PCDHA12: variants seen among roughly 807,000 people sequenced by gnomAD.
PCDHA12 encodes the protein protocadherin alpha-12.
In PCDHA12, 44 loss-of-function variants were observed where a neutral mutation model predicts 60.0. That is an observed-to-expected ratio of 0.73 (90% CI 0.58 to 0.94). PCDHA12 has a LOEUF of 0.94. PCDHA12 is among the 40% of genes least tolerant of loss of function. PCDHA12 has a pLI of 0.00. For synonymous variants in PCDHA12, 569 were observed against 553.0 expected (o/e 1.03, Z -0.40); for missense variants, 1,276 against 1,239.7 (o/e 1.03, Z -0.44).
intron 1 of PCDHA12, among the ~76,000 whole-genome samples, chr5:140,936,829 CTA>C (rs1370139349): frequency 5.9e-5 from 9 of 152,026 alleles, no homozygotes; most frequent in African/African-American, 1.7e-4. Flanking sequence ...CTTTGCATTT[CTA>C]TATAAATTGT....
chr5:141,006,002 G>T (rs185630910), intron 3 of PCDHA12, among the ~76,000 whole-genome samples: 1 of 151,740 alleles, frequency 6.6e-6, no homozygotes, highest in East Asian at 1.9e-4. Context: ...CTGAAAGAAG[G>T]CCTGTATGGT....
At chr5:140,932,525 A>G (rs2088383031) in intron 1 of PCDHA12, among the ~76,000 whole-genome samples, 1 of 151,898 alleles carries the variant, frequency 6.6e-6, no homozygotes, top group Non-Finnish European at 1.5e-5. Flanking sequence ...TGTTTGTGGC[A>G]TTCAAGGTGC....
rs561529051 is a variant in PCDHA12 at position 140,929,034 on chromosome 5, C to G, written c.2368-49915C>G. On this transcript the variant is annotated intron_variant, in intron 1 of 3. Transcript: ENST00000398631. ...AGTTGCACCAGAGCCCAGGCTGTTGCGCTCAGAGCTGCTGTCGCTCTACAG... is the reference window on the plus strand; with the variant it reads ...AGTTGCACCAGAGCCCAGGCTGTTGGGCTCAGAGCTGCTGTCGCTCTACAG... 2.8e-5 allele frequency: 46 copies of G among 1,614,040 alleles called. No homozygotes were observed. The South Asian group carries it at 4.8e-4, about 17-fold the overall frequency.
At chr5:140,924,901 A>AATAAAATAAAAT (rs145282866) in intron 1 of PCDHA12, among the ~76,000 whole-genome samples, 7 of 80,504 alleles carry the variant, frequency 8.7e-5, no homozygotes, top group Middle Eastern at 6.1e-3. Context: ...TCTCAAAAAA[A>AATAAAATAAAAT]AAAATAAAAT....
chr5:140,880,895 TAGAA>T (rs1421038707), intron 1 of PCDHA12, among the ~76,000 whole-genome samples: 2 of 152,090 alleles, frequency 1.3e-5, no homozygotes, highest in African/African-American at 4.8e-5. Context: ...TAGGGCCAGA[TAGAA>T]AGAATTAGAA....
At chr5:140,928,830 TTCC>T in intron 1 of PCDHA12, 1 of 1,614,124 alleles carries the variant, frequency 6.2e-7, no homozygotes, top group Non-Finnish European at 8.5e-7. Flanking sequence ...ACCCACCACT[TTCC>T]TCCTCTGTCA....
chr5:140,979,573 G>T lies in PCDHA12; in HGVS notation c.2426+566G>T, dbSNP rs558232107. Among the ~76,000 whole-genome samples, 224 of 152,236 alleles carry T rather than the reference G, an allele frequency of 1.5e-3. 1 individual carries two copies. Among genetic ancestry groups the T allele is most frequent in the African/African-American group, 5.2e-3 (215 of 41,538 alleles). On this transcript the variant is annotated intron_variant, in intron 2 of 3. Transcript: ENST00000398631. ...CTTCAGAAGATGAGCCATGTAAAGG[G>T]CTCCAAATCTAGCTTACTTTAAATT...
intron 1 of PCDHA12, among the ~76,000 whole-genome samples, chr5:140,879,327 A>G (rs2057945221): frequency 6.6e-6 from 1 of 152,232 alleles, no homozygotes; most frequent in South Asian, 2.1e-4. Context: ...TCACTTTTTT[A>G]GTTTGTTCAG....
intron 1 of PCDHA12, among the ~76,000 whole-genome samples, chr5:140,975,429 C>T (rs1006180121): frequency 2.6e-5 from 4 of 152,208 alleles, no homozygotes; most frequent in African/African-American, 9.6e-5. Flanking sequence ...AGGGTGTGCA[C>T]ACCAGGATAT....
intron 1 of PCDHA12, chr5:140,882,203 TGA>T: frequency 6.5e-7 from 1 of 1,530,090 alleles, no homozygotes; most frequent in Non-Finnish European, 8.8e-7. Flanking sequence ...AATTGGGCCT[TGA>T]GAGACAGTTT....
At chr5:140,927,457 A>G in intron 1 of PCDHA12, 1 of 1,614,098 alleles carries the variant, frequency 6.2e-7, no homozygotes, top group Non-Finnish European at 8.5e-7. Flanking sequence ...GGTGTTGGAG[A>G]AAGCACTGGA....
intron 1 of PCDHA12, among the ~76,000 whole-genome samples, chr5:140,934,619 C>G (rs1403192448): frequency 1.3e-5 from 2 of 152,028 alleles, no homozygotes; most frequent in Non-Finnish European, 2.9e-5. Flanking sequence ...GCCTGAGGTA[C>G]AGTTCACACA....
chr5:140,992,414 G>T (rs868994021), intron 3 of PCDHA12, among the ~76,000 whole-genome samples: 1 of 152,128 alleles, frequency 6.6e-6, no homozygotes, highest in African/African-American at 2.4e-5. Flanking sequence ...TCTGCCCCAG[G>T]TCTAAGAATA....
intron 1 of PCDHA12, among the ~76,000 whole-genome samples, chr5:140,890,937 A>G (rs2153432428): frequency 6.6e-6 from 1 of 152,254 alleles, no homozygotes; most frequent in South Asian, 2.1e-4. Flanking sequence ...TAGTCCAAAG[A>G]TGCTGGTGAG....
intron 1 of PCDHA12, among the ~76,000 whole-genome samples, chr5:140,918,556 G>A (rs1584104800): frequency 2.0e-5 from 3 of 152,302 alleles, no homozygotes; most frequent in Non-Finnish European, 4.4e-5. Context: ...CAATTGAGAA[G>A]AATGTATATT....
intron 1 of PCDHA12, among the ~76,000 whole-genome samples, chr5:140,907,775 G>T (rs1217508105): frequency 4.6e-5 from 7 of 152,178 alleles, no homozygotes; most frequent in African/African-American, 1.7e-4. Flanking sequence ...TGATGACAGG[G>T]GTGGCTGGGG....
Position 140,877,258 on chromosome 5 carries a change from G to T in PCDHA12, c.1786G>T (p.Ala596Ser), listed in dbSNP as rs1206242754. 1.9e-6 allele frequency: 3 copies of T among 1,613,662 alleles called. No individual in the cohort carries two copies. The highest frequency in any genetic ancestry group is 2.5e-6 in the Non-Finnish European group (3 of 1,179,790). The change falls in exon 1 of 4, where the codon GCG (alanine) becomes TCG (serine). Residue 596 changes from alanine to serine, a missense_variant. Ala to Ser is a moderately conservative substitution (Grantham distance 99, BLOSUM62 1). Coordinates refer to ENST00000398631, the MANE Select transcript of PCDHA12 (RefSeq NM_018903.4). Reference protein sequence around the residue: ...GAGHVVAKVRAVDADSGYNAW... With the variant: ...GAGHVVAKVRSVDADSGYNAW... ...GGGCCACGTGGTGGCGAAAGTGCGC[G>T]CGGTGGACGCTGACTCCGGCTATAA...
In PCDHA12 at chr5:140,967,411, A is replaced by T. The variant is rs142102675; in HGVS notation, c.2368-11538A>T. The T allele has an allele frequency of 4.6e-5, 74 of 1,613,220 alleles. No individual in the cohort carries two copies. The African/African-American group carries it at 9.5e-4, about 21-fold the overall frequency. On this transcript the variant is annotated intron_variant, in intron 1 of 3. Coordinates refer to ENST00000398631, the MANE Select transcript of PCDHA12 (RefSeq NM_018903.4). The stretch of plus-strand genomic sequence containing the variant: ...TTGAGCTGGTGCTGCGTAAGGGCCT[A>T]GACCGGGAGCAGGCAGCCTTGCACC...
chr5:140,892,952 AT>A (rs1327610333), intron 1 of PCDHA12, among the ~76,000 whole-genome samples: 1 of 152,154 alleles, frequency 6.6e-6, no homozygotes, highest in African/African-American at 2.4e-5. Context: ...TACTACTTCC[AT>A]GAGCTCAATA....
Sources: gnomAD v4.1 joint callset for allele counts (sites outside exome capture counted in the v4.1 genomes callset) on GRCh38, gnomAD v4.1.1 for gene constraint, MANE v1.5 for transcripts, NCBI Gene and HGNC (gene_info 2026-07-23, HGNC 2026-07-21) for gene names.